The following RUNX1 variants were observed in gnomAD, a reference collection of about 807,000 sequenced individuals.
RUNX1 encodes RUNX family transcription factor 1.
RUNX1 carries 19 observed loss-of-function variants against 42.8 expected under a neutral mutation model. That is an observed-to-expected ratio of 0.44 (90% CI 0.31 to 0.65). RUNX1 has a LOEUF of 0.65. RUNX1 is among the 30% of genes least tolerant of loss of function. The pLI is 0.07. For synonymous variants in RUNX1, 271 were observed against 289.4 expected, an observed-to-expected ratio of 0.94 and a Z score of 0.64; for missense variants, 528 against 672.0, an observed-to-expected ratio of 0.79 and a Z score of 2.37.
chr21:34,887,056 C>A lies in RUNX1; in HGVS notation c.138G>T (p.Ala46=), dbSNP rs747525766. The A allele has an allele frequency of 6.2e-7, 1 of 1,600,300 alleles. No homozygotes were observed. Among genetic ancestry groups the A allele is most frequent in the Non-Finnish European group, 8.5e-7 (1 of 1,179,872 alleles). ...TSRRFTPPST[A]LSPGKMSEAL... Reference sequence around the variant, plus strand: ...CCTCGCTCATCTTGCCTGGGCTCAGCGCGGTGGAAGGCGGCGTGAAGCGGC... The same window carrying A: ...CCTCGCTCATCTTGCCTGGGCTCAGAGCGGTGGAAGGCGGCGTGAAGCGGC... The change falls in exon 4 of 9, where the codon GCG becomes GCT. Residue 46 remains alanine (A), a synonymous_variant. Coordinates refer to ENST00000675419, the MANE Select transcript of RUNX1 (RefSeq NM_001754.5).
chr21:35,020,519 C>A (rs1177196329), intron 2 of RUNX1, among the ~76,000 whole-genome samples: 2 of 152,270 alleles, frequency 1.3e-5, no homozygotes, highest in East Asian at 3.9e-4. Context: ...AAGTAGAAGG[C>A]AATGAGACCC....
chr21:34,817,788 C>T (rs1398544294), intron 7 of RUNX1, among the ~76,000 whole-genome samples: 1 of 152,316 alleles, frequency 6.6e-6, no homozygotes, highest in East Asian at 1.9e-4. Context: ...AAAGTCATTT[C>T]AGGGTGGCTT....
intron 7 of RUNX1, among the ~76,000 whole-genome samples, chr21:34,816,375 G>T (rs1385702865): frequency 6.6e-6 from 1 of 151,806 alleles, no homozygotes; most frequent in Non-Finnish European, 1.5e-5. Context: ...CTGGGGAGAA[G>T]AGTGTGTAGC....
At chr21:34,989,205 C>A (rs2058917209) in intron 2 of RUNX1, among the ~76,000 whole-genome samples, 1 of 152,024 alleles carries the variant, frequency 6.6e-6, no homozygotes, top group Non-Finnish European at 1.5e-5. Flanking sequence ...GACGGGGTTT[C>A]TCCATATTGG....
intron 2 of RUNX1, among the ~76,000 whole-genome samples, chr21:34,899,396 A>T (rs894423497): frequency 1.3e-5 from 2 of 152,042 alleles, no homozygotes; most frequent in African/African-American, 4.8e-5. Flanking sequence ...AAAAGACCAG[A>T]TTGATCTCTC....
chr21:34,908,805 T>C (rs547712236), intron 2 of RUNX1, among the ~76,000 whole-genome samples: 46 of 152,336 alleles, frequency 3.0e-4, no homozygotes, highest in African/African-American at 1.1e-3. Flanking sequence ...AGTCAGCCTT[T>C]GAACTTCTTT....
In RUNX1 at chr21:34,819,842, G is replaced by A. The variant is rs561695165; in HGVS notation, c.805+14568C>T. 3.1e-3 allele frequency among the ~76,000 whole-genome samples: 473 copies of A among 152,288 alleles called. 1 individual carries two copies. Among genetic ancestry groups the A allele is most frequent in the Admixed American group, 6.9e-3 (106 of 15,298 alleles). On this transcript the variant is annotated intron_variant, in intron 7 of 8. Coordinates refer to ENST00000675419, the MANE Select transcript of RUNX1 (RefSeq NM_001754.5). ...CTCCAGCCTCTGCCCTGTCACACTC[G>A]CACACCTGTTTGCCATCCTGCTTCT...
chr21:35,024,251 G>C (rs950863079), intron 2 of RUNX1, among the ~76,000 whole-genome samples: 2 of 152,164 alleles, frequency 1.3e-5, no homozygotes, highest in Admixed American at 1.3e-4. Context: ...GATGTTGGGG[G>C]CTGGAGCACC....
At position 34,849,332 on chromosome 21, in the gene RUNX1, C is replaced by G. The variant is rs556403187; in HGVS notation, c.613+10142G>C. The stretch of plus-strand genomic sequence containing the variant: ...ATATATTATATATATATTATATATA[C>G]TATATATATTATATATAGTATATAT... On this transcript the variant is annotated intron_variant, in intron 6 of 8. Transcript: ENST00000675419. 2.4e-3 allele frequency among the ~76,000 whole-genome samples: 59 copies of G among 24,642 alleles called. 3 individuals carry two copies. The highest frequency in any genetic ancestry group is 5.5e-3 in the Admixed American group (6 of 1,082). The allele number at this position is 24,642 out of a possible 152,430, so 16.2% of individuals were successfully genotyped here. A position where few individuals can be genotyped will look rare whatever the true frequency, so the allele number is the denominator to read the frequency against.
Position 34,995,510 on chromosome 21 carries a change from A to C in RUNX1, c.58+53332T>G, listed in dbSNP as rs141354503. Reference sequence around the variant, plus strand: ...GGCTGGAGTGCAGTGGTGTGATCACAGCTCACTGCAGCCTTGACTTCCTGG... The same window carrying C: ...GGCTGGAGTGCAGTGGTGTGATCACCGCTCACTGCAGCCTTGACTTCCTGG... On this transcript the variant is annotated intron_variant, in intron 2 of 8. Transcript: ENST00000675419. Among the ~76,000 whole-genome samples, 355 of 141,026 alleles carry C rather than the reference A, an allele frequency of 2.5e-3. 6 individuals are homozygous for C. In the East Asian group the frequency reaches 0.044, roughly 17 times the overall value. The allele number at this position is 141,026 out of a possible 152,430, so 92.5% of individuals were successfully genotyped here.
chr21:34,952,761 A>G (rs1341726091), intron 2 of RUNX1, among the ~76,000 whole-genome samples: 1 of 152,200 alleles, frequency 6.6e-6, no homozygotes, highest in Non-Finnish European at 1.5e-5. Flanking sequence ...CTTTCAGGTC[A>G]TAATTACTGT....
At chr21:34,865,360 G>A (rs1025438006) in intron 5 of RUNX1, among the ~76,000 whole-genome samples, 2 of 146,174 alleles carry the variant, frequency 1.4e-5, no homozygotes, top group East Asian at 2.2e-4. Flanking sequence ...AGGCCTAAAC[G>A]CAACTTGAAC....
intron 2 of RUNX1, among the ~76,000 whole-genome samples, chr21:34,930,028 T>A (rs886281903): frequency 6.6e-6 from 1 of 151,412 alleles, no homozygotes; most frequent in Non-Finnish European, 1.5e-5. Context: ...GTTTCAAGAA[T>A]AAATTCTTTC....
rs759974526 is a variant in RUNX1, at chr21:34,886,862, G to A, written c.332C>T (p.Thr111Ile). 1 of 1,613,564 alleles carries A rather than the reference G, an allele frequency of 6.2e-7. No homozygotes were observed. The highest frequency in any genetic ancestry group is 8.5e-7 in the Non-Finnish European group (1 of 1,179,782). The change falls in exon 4 of 9, where the codon ACC becomes ATC. Residue 111 changes from threonine (T) to isoleucine (I), a missense_variant. Physicochemically the swap from Thr to Ile is moderately conservative, Grantham distance 89. This residue lies in a region of RUNX1 where 83 missense variants were observed against 174.5 expected (regional missense o/e 0.48). Coordinates refer to ENST00000675419, the MANE Select transcript of RUNX1 (RefSeq NM_001754.5). ...VLPTHWRCNK[T>I]LPIAFKVVAL... ...CAGTACCTTGAAAGCGATGGGCAGG[G>A]TCTTGTTGCAGCGCCAGTGCGTAGG...
chr21:34,910,698 C>A (rs781659176), intron 2 of RUNX1, among the ~76,000 whole-genome samples: 1 of 152,162 alleles, frequency 6.6e-6, no homozygotes, highest in Admixed American at 6.5e-5. Flanking sequence ...ATGTCCAGGG[C>A]GGGCTTGCTC....
At chr21:35,028,766 T>G (rs1001634798) in intron 2 of RUNX1, among the ~76,000 whole-genome samples, 2 of 152,258 alleles carry the variant, frequency 1.3e-5, no homozygotes, top group Non-Finnish European at 2.9e-5. Context: ...ATTCAGTAAA[T>G]TTACCGATGG....
chr21:35,043,931 C>T (rs1439636598), intron 2 of RUNX1, among the ~76,000 whole-genome samples: 1 of 152,172 alleles, frequency 6.6e-6, no homozygotes, highest in Non-Finnish European at 1.5e-5. Flanking sequence ...TGGCCTTTTC[C>T]TTAAGAAGAG....
rs554965397 is a variant in RUNX1 at position 34,909,640 on chromosome 21, C to T, written c.59-16677G>A. Among the ~76,000 whole-genome samples the T allele has an allele frequency of 6.7e-5, 8 of 118,580 alleles. No homozygotes were observed. The Admixed American group carries it at 6.9e-4, about 10-fold the overall frequency. 77.8% of individuals were successfully genotyped at this position (118,580 alleles called of 152,430 possible). On this transcript the variant is annotated intron_variant, in intron 2 of 8. Transcript: ENST00000675419. ...GTTCTATTTGATAACCTGCACTTCTCCAGAGTGACCTCTTCAGCTGAGTCT... is the reference window on the plus strand; with the variant it reads ...GTTCTATTTGATAACCTGCACTTCTTCAGAGTGACCTCTTCAGCTGAGTCT...
At chr21:34,868,137 T>TCTC (rs1569069216) in intron 5 of RUNX1, among the ~76,000 whole-genome samples, 1 of 151,908 alleles carries the variant, frequency 6.6e-6, no homozygotes, top group African/African-American at 2.4e-5. Context: ...AGTGTGGAGG[T>TCTC]AGAGAGGGAA....
Sources: gnomAD v4.1 joint callset for allele counts (sites outside exome capture counted in the v4.1 genomes callset) on GRCh38, gnomAD v4.1.1 for gene constraint, gnomAD v4.1.1 regional missense constraint, MANE v1.5 for transcripts, NCBI Gene and HGNC (gene_info 2026-07-23, HGNC 2026-07-21) for gene names.